The following FBXL2 variants were observed in gnomAD, a reference collection of about 807,000 sequenced individuals.
FBXL2 encodes the protein F-box and leucine rich repeat protein 2.
A neutral mutation model predicts 69.2 loss-of-function variants in FBXL2; 38 were observed. The observed-to-expected ratio is 0.55, with a 90% CI of 0.42 to 0.72. FBXL2 has a LOEUF of 0.72. Ranked by LOEUF, FBXL2 falls within the 30% of genes least tolerant of loss-of-function variation. FBXL2 has a pLI of 0.00. For missense variants in FBXL2, 354 were observed against 520.3 expected (o/e 0.68, Z 3.11); for synonymous variants, 192 against 201.3 (o/e 0.95, Z 0.39).
At position 33,354,370 on chromosome 3, in the gene FBXL2, CG is replaced by C. The variant is rs540667500; in HGVS notation, c.66-4594del. 9.3e-3 allele frequency among the ~76,000 whole-genome samples: 1,413 copies of C among 151,742 alleles called. 19 individuals carry two copies. Among genetic ancestry groups the C allele is most frequent in the African/African-American group, 0.032 (1,319 of 41,356 alleles). ...CTCTACTAAAAATACAAAAATTGGCCGGGTGTGGTGGTGGGCGCCTGTAATC... is the reference window on the plus strand; with the variant it reads ...CTCTACTAAAAATACAAAAATTGGCCGGTGTGGTGGTGGGCGCCTGTAATC... On this transcript the variant is annotated intron_variant, in intron 2 of 14. Coordinates refer to ENST00000484457, the MANE Select transcript of FBXL2 (RefSeq NM_012157.5).
rs1336493777 is a variant in FBXL2 at position 33,386,125 on chromosome 3, A to AG, written c.*518dup. 1 of 166,330 alleles carries AG rather than the reference A, an allele frequency of 6.0e-6. No homozygotes were observed. Among genetic ancestry groups the AG allele is most frequent in the Non-Finnish European group, 1.3e-5 (1 of 75,020 alleles). The allele number at this position is 166,330 out of a possible 1,614,324, so 10.3% of individuals were successfully genotyped here. The stretch of plus-strand genomic sequence containing the variant: ...TGCAAATTAATTCATAATGCCTGAT[A>AG]GTTTTATATATAGAGACTTATGTGG... On this transcript the variant is annotated 3_prime_UTR_variant, in exon 15 of 15. Coordinates refer to ENST00000484457, the MANE Select transcript of FBXL2 (RefSeq NM_012157.5).
intron 5 of FBXL2, among the ~76,000 whole-genome samples, chr3:33,365,599 G>A (rs1022031240): frequency 6.6e-6 from 1 of 152,102 alleles, no homozygotes; most frequent in Non-Finnish European, 1.5e-5. Flanking sequence ...TGCTAAGGAT[G>A]TGTACTGGCC....
intron 2 of FBXL2, among the ~76,000 whole-genome samples, chr3:33,320,023 C>A (rs1360157247): frequency 6.6e-6 from 1 of 151,988 alleles, no homozygotes; most frequent in Non-Finnish European, 1.5e-5. Context: ...TAGATAGGCC[C>A]AGTATTACAG....
chr3:33,309,270 C>T (rs971299119), intron 2 of FBXL2, among the ~76,000 whole-genome samples: 2 of 152,036 alleles, frequency 1.3e-5, no homozygotes, highest in Non-Finnish European at 2.9e-5. Context: ...TTAATATTTG[C>T]TTTTATATAT....
the FBXL2 span, among the ~76,000 whole-genome samples, chr3:33,415,233 T>A: frequency 6.6e-6 from 1 of 152,216 alleles, no homozygotes; most frequent in Non-Finnish European, 1.5e-5. Flanking sequence ...GAAAGCCAGC[T>A]TGTCTCCACT....
At chr3:33,373,802 C>G in intron 8 of FBXL2, 45 bp from the exon 9 acceptor site, 1 of 1,613,684 alleles carries the variant, frequency 6.2e-7, no homozygotes, top group Admixed American at 1.7e-5. Flanking sequence ...CCCACTGTTC[C>G]CTCACCTGGA....
At chr3:33,279,014 A>T (rs769110412) in intron 1 of FBXL2, among the ~76,000 whole-genome samples, 1 of 152,212 alleles carries the variant, frequency 6.6e-6, no homozygotes, top group Admixed American at 6.5e-5. Flanking sequence ...TCTGACCCAC[A>T]GCCCACCCTC....
downstream of FBXL2, chr3:33,392,825 T>C (rs2043822612): frequency 4.2e-6 from 2 of 478,600 alleles, no homozygotes; most frequent in East Asian, 6.8e-5. Flanking sequence ...CTGAGAGACC[T>C]GGTCAGTCAC....
At chr3:33,380,102 G>T (rs1447178919) in intron 13 of FBXL2, among the ~76,000 whole-genome samples, 1 of 151,640 alleles carries the variant, frequency 6.6e-6, no homozygotes, top group Non-Finnish European at 1.5e-5. Flanking sequence ...GCACACGCCT[G>T]TAGTCCCAGC....
chr3:33,334,947 A>T (rs1197784589), intron 2 of FBXL2, among the ~76,000 whole-genome samples: 3 of 151,938 alleles, frequency 2.0e-5, no homozygotes, highest in African/African-American at 7.3e-5. Context: ...ACCAAAAAAA[A>T]TATGTATGTC....
the FBXL2 span, among the ~76,000 whole-genome samples, chr3:33,412,276 A>T: frequency 6.6e-6 from 1 of 152,056 alleles, no homozygotes. Context: ...TAGCACCAAA[A>T]AGCTACTTGA....
chr3:33,390,237 G>A (rs1424170575), downstream of FBXL2: 2 of 1,291,172 alleles, frequency 1.5e-6, no homozygotes, highest in Non-Finnish European at 2.2e-6. Context: ...ATTTCATATG[G>A]TAAAATCCAA....
At chr3:33,309,977 A>G (rs907015568) in intron 2 of FBXL2, among the ~76,000 whole-genome samples, 1 of 152,104 alleles carries the variant, frequency 6.6e-6, no homozygotes, top group Non-Finnish European at 1.5e-5. Context: ...GCATGCCAAC[A>G]TAACAAGACC....
chr3:33,341,144 GAAA>G (rs2125855911), intron 2 of FBXL2, among the ~76,000 whole-genome samples: 1 of 152,220 alleles, frequency 6.6e-6, no homozygotes, highest in East Asian at 1.9e-4. Flanking sequence ...GCCTCCTGAT[GAAA>G]AATACCATTT....
chr3:33,415,184 T>C, the FBXL2 span, among the ~76,000 whole-genome samples: 1 of 152,186 alleles, frequency 6.6e-6, no homozygotes, highest in Admixed American at 6.5e-5. Context: ...TCAGACTAAT[T>C]ATTTCTAAAT....
chr3:33,346,561 AAAAT>A (rs924420268), intron 2 of FBXL2, among the ~76,000 whole-genome samples: 79 of 152,274 alleles, frequency 5.2e-4, no homozygotes, highest in East Asian at 2.5e-3. Flanking sequence ...CCCGTCTCTA[AAAAT>A]AAATAAATAA....
At chr3:33,310,519 T>A (rs1462179755) in intron 2 of FBXL2, among the ~76,000 whole-genome samples, 2 of 152,206 alleles carry the variant, frequency 1.3e-5, no homozygotes, top group Non-Finnish European at 2.9e-5. Flanking sequence ...ATAATTATAG[T>A]GTTAGAGTAT....
the FBXL2 span, among the ~76,000 whole-genome samples, chr3:33,419,235 C>T: frequency 1.3e-5 from 2 of 152,068 alleles, no homozygotes; most frequent in Non-Finnish European, 2.9e-5. Flanking sequence ...TGGCTCACAC[C>T]TGTAATCCTA....
chr3:33,414,149 C>A, the FBXL2 span: 1 of 152,022 alleles, frequency 6.6e-6, no homozygotes, highest in East Asian at 1.9e-4. Context: ...AAGAAAAATT[C>A]TAGCATTATA....
Sources: allele counts gnomAD v4.1 joint callset (sites outside exome capture counted in the v4.1 genomes callset), GRCh38; gene constraint gnomAD v4.1.1; transcripts MANE v1.5; gene names NCBI Gene and HGNC (gene_info 2026-07-23, HGNC 2026-07-21).